KAT14: variants seen among roughly 807,000 people sequenced by gnomAD.
KAT14 encodes the protein lysine acetyltransferase 14.
In KAT14, 66 loss-of-function variants were observed where a neutral mutation model predicts 78.4. The observed-to-expected ratio is 0.84, with a 90% CI of 0.69 to 1.03. The LOEUF (loss-of-function observed/expected upper bound fraction) is 1.03. Among genes scored for constraint, KAT14 ranks in the 50% least tolerant of loss-of-function variants. The pLI, the probability that KAT14 is intolerant of heterozygous loss-of-function variation, is 0.00. For missense variants in KAT14, 870 were observed against 972.5 expected (o/e 0.89, Z 1.40); for synonymous variants, 344 against 359.4 (o/e 0.96, Z 0.48).
intron 5 of KAT14, among the ~76,000 whole-genome samples, chr20:18,161,031 G>T (rs530040607): frequency 6.6e-6 from 1 of 151,948 alleles, no homozygotes; most frequent in African/African-American, 2.4e-5. Context: ...AAAATCAGCC[G>T]GGCGTGATGG....
rs2039488277 is a variant in KAT14 at position 18,187,524 on chromosome 20, G to GACAAA, written c.*65_*66insACAAA. 6.3e-7 allele frequency: 1 copy of GACAAA among 1,595,792 alleles called. No individual in the cohort carries two copies. Among genetic ancestry groups the GACAAA allele is most frequent in the Non-Finnish European group, 8.5e-7 (1 of 1,174,846 alleles). ...GAACAGGTCTTTGTGGAGATCTAAA[G>GACAAA]GCAGTGATTGATTTCACAGGGAGCT... On this transcript the variant is annotated 3_prime_UTR_variant, in exon 11 of 11. Coordinates refer to ENST00000688188, the MANE Select transcript of KAT14 (RefSeq NM_001392073.1).
At chr20:18,144,271 G>T (rs1205216) in intron 2 of KAT14, among the ~76,000 whole-genome samples, 3 of 152,350 alleles carry the variant, frequency 2.0e-5, no homozygotes, top group South Asian at 4.1e-4. Flanking sequence ...CTCTGTTATT[G>T]ATTTCAGGTT....
intron 8 of KAT14, 95 bp downstream of exon 8, chr20:18,181,941 T>TCA (rs1326029787): frequency 2.0e-6 from 3 of 1,526,036 alleles, no homozygotes; most frequent in Non-Finnish European, 2.6e-6. Context: ...AGAATAAAGA[T>TCA]CACAAACTGT....
At chr20:18,141,779 G>A (rs530614943) in intron 1 of KAT14, among the ~76,000 whole-genome samples, 91 of 152,318 alleles carry the variant, frequency 6.0e-4, no homozygotes, top group African/African-American at 2.1e-3. Context: ...AGCTACTCGG[G>A]AGGCTGAGGC....
chr20:18,151,754 A>T (rs2038051095), intron 4 of KAT14, among the ~76,000 whole-genome samples: 1 of 151,918 alleles, frequency 6.6e-6, no homozygotes, highest in Non-Finnish European at 1.5e-5. Flanking sequence ...CTGTAATCCC[A>T]GCACTTTGGG....
intron 2 of KAT14, chr20:18,143,210 G>T: frequency 9.0e-7 from 1 of 1,114,086 alleles, no homozygotes; most frequent in Non-Finnish European, 1.1e-6. Flanking sequence ...TTTCTAACAA[G>T]GTCACAGAGA....
At chr20:18,161,753 T>A in intron 5 of KAT14, 70 bp from the exon 6 acceptor site, 1 of 1,535,310 alleles carries the variant, frequency 6.5e-7, no homozygotes, top group Non-Finnish European at 8.7e-7. Flanking sequence ...ACATCTGAAA[T>A]CCAAAACATG....
chr20:18,153,203 C>T (rs6045218), intron 4 of KAT14, among the ~76,000 whole-genome samples: 34,650 of 151,980 alleles, frequency 0.23, 4,573 homozygotes, highest in East Asian at 0.52. Flanking sequence ...CAGCTTTGCT[C>T]ATGTTACTGA....
At chr20:18,148,603 A>AT (rs978610988) in intron 3 of KAT14, among the ~76,000 whole-genome samples, 43 of 142,910 alleles carry the variant, frequency 3.0e-4, no homozygotes, top group Admixed American at 5.6e-4. Flanking sequence ...ACTGGGGTTC[A>AT]TTTTTTTTTG....
chr20:18,184,839 TG>T (rs773106439), intron 10 of KAT14, 47 bp downstream of exon 10: 7 of 1,546,726 alleles, frequency 4.5e-6, no homozygotes. Flanking sequence ...TGGGCTCCCC[TG>T]AACAACCTGG....
chr20:18,186,879 G>T (rs1350863806), intron 10 of KAT14, among the ~76,000 whole-genome samples: 1 of 152,150 alleles, frequency 6.6e-6, no homozygotes, highest in Non-Finnish European at 1.5e-5. Context: ...TACAGGTTTT[G>T]GGGAGGTACA....
chr20:18,162,682 C>G lies in KAT14; in HGVS notation c.1405C>G (p.Leu469Val), dbSNP rs770062188. The change falls in exon 7 of 11, where the codon CTG becomes GTG. Residue 469 changes from leucine (L) to valine (V), a missense_variant. Leu to Val is a conservative substitution (Grantham distance 32). Coordinates refer to ENST00000688188, the MANE Select transcript of KAT14 (RefSeq NM_001392073.1). ...YTPVSIYEEK[L>V]LLKRLEACPG... ...TCCCGTGAGCATCTACGAGGAAAAG[C>G]TGCTGCTCAAGAGGCTGGAAGCTTG... is the stretch of plus-strand genomic sequence containing the variant. 3 of 1,614,080 alleles carry G rather than the reference C, an allele frequency of 1.9e-6. No individual in the cohort carries two copies. The highest frequency in any genetic ancestry group is 2.7e-5 in the African/African-American group (2 of 74,912).
intron 7 of KAT14, 99 bp from the exon 8 acceptor site, chr20:18,181,611 C>A (rs1600241688): frequency 6.5e-7 from 1 of 1,528,764 alleles, no homozygotes; most frequent in South Asian, 1.2e-5. Flanking sequence ...CCTTGTGATC[C>A]GCCTACCTCA....
intron 10 of KAT14, 116 bp from the exon 11 acceptor site, chr20:18,187,170 C>T: frequency 2.4e-5 from 32 of 1,353,666 alleles, no homozygotes; most frequent in Non-Finnish European, 3.1e-5. Flanking sequence ...CAGCCTCAGT[C>T]TCTGATTTCT....
At position 18,162,388 on chromosome 20, in the gene KAT14, A is replaced by G; in HGVS notation, c.1111A>G (p.Met371Val). 1.2e-6 allele frequency: 2 copies of G among 1,612,034 alleles called. No homozygotes were observed. The highest frequency in any genetic ancestry group is 1.7e-6 in the Non-Finnish European group (2 of 1,179,186). ...PQALFHDDDE[M>V]EGDGVIDPGM... Reference sequence around the variant, plus strand: ...TGTACTCTGCACAGATGACGATGAGATGGAAGGCGATGGAGTCATAGACCC... The same window carrying G: ...TGTACTCTGCACAGATGACGATGAGGTGGAAGGCGATGGAGTCATAGACCC... Residue 371 changes from methionine to valine, a missense_variant, in exon 7 of 11, where the codon ATG becomes GTG. Met to Val is a conservative substitution (Grantham distance 21). Coordinates refer to ENST00000688188, the MANE Select transcript of KAT14 (RefSeq NM_001392073.1).
chr20:18,169,171 G>A (rs2038764000), intron 7 of KAT14, among the ~76,000 whole-genome samples: 1 of 151,848 alleles, frequency 6.6e-6, no homozygotes, highest in Admixed American at 6.6e-5. Flanking sequence ...CATTTTCAGA[G>A]TTTTCATCTC....
At position 18,138,034 on chromosome 20, in the gene KAT14, C is replaced by G. The variant is rs2037358753; in HGVS notation, c.-471C>G. 2.0e-6 allele frequency: 3 copies of G among 1,494,098 alleles called. No homozygotes were observed. Among genetic ancestry groups the G allele is most frequent in the Admixed American group, 2.2e-5 (1 of 44,924 alleles). The allele number at this position is 1,494,098 out of a possible 1,614,324, so 92.6% of individuals were successfully genotyped here. On this transcript the variant is annotated 5_prime_UTR_variant, in exon 1 of 11. Transcript: ENST00000688188. The stretch of plus-strand genomic sequence containing the variant: ...CACAGTGGCCGGCGTACATGTGAAG[C>G]AGCAGTGGGACCAGCAGGTCGGTGT...
intron 7 of KAT14, 100 bp downstream of exon 7, chr20:18,163,045 C>A (rs777481195): frequency 7.1e-7 from 1 of 1,413,888 alleles, no homozygotes; most frequent in Non-Finnish European, 9.4e-7. Flanking sequence ...CCTTTTAAAT[C>A]CTGAGTAATT....
chr20:18,173,625 C>CTTTTT (rs11475865), intron 7 of KAT14, among the ~76,000 whole-genome samples: 1 of 139,918 alleles, frequency 7.1e-6, no homozygotes, highest in Admixed American at 7.0e-5. Context: ...ACCATTACTT[C>CTTTTT]TTTTTTTTTT....
Sources: allele counts gnomAD v4.1 joint callset (sites outside exome capture counted in the v4.1 genomes callset), GRCh38; gene constraint gnomAD v4.1.1; transcripts MANE v1.5; gene names NCBI Gene and HGNC (gene_info 2026-07-23, HGNC 2026-07-21).